The following RBPJ variants were observed in gnomAD, a reference collection of about 807,000 sequenced individuals.
RBPJ encodes recombination signal binding protein for immunoglobulin kappa J region, also known as recombining binding protein suppressor of hairless.
In RBPJ, 9 loss-of-function variants were observed where a neutral mutation model predicts 67.8. The observed-to-expected ratio is 0.13, with a 90% CI of 0.08 to 0.23. The LOEUF (loss-of-function observed/expected upper bound fraction) is 0.23, where lower values mean the gene tolerates loss of function less well. Ranked by LOEUF, RBPJ falls within the 10% of genes least tolerant of loss-of-function variation. RBPJ has a pLI of 1.00. For synonymous variants in RBPJ, 198 were observed against 203.3 expected, an observed-to-expected ratio of 0.97 and a Z score of 0.22; for missense variants, 305 against 595.6, an observed-to-expected ratio of 0.51 and a Z score of 5.08.
At chr4:26,346,946 T>G (rs567820454) in intron 1 of RBPJ, among the ~76,000 whole-genome samples, 1 of 151,830 alleles carries the variant, frequency 6.6e-6, no homozygotes, top group South Asian at 2.1e-4. Context: ...GAGCCGAGAT[T>G]GCGCCACTGC....
chr4:26,307,883 A>C (rs1722288363), intron 1 of RBPJ, among the ~76,000 whole-genome samples: 1 of 152,256 alleles, frequency 6.6e-6, no homozygotes, highest in Non-Finnish European at 1.5e-5. Flanking sequence ...GATGCTAATC[A>C]TGACAGAATT....
At position 26,250,432 on chromosome 4, in the gene RBPJ, A is replaced by G. The variant is rs530347083; in HGVS notation, c.-167+86818A>G. On this transcript the variant is annotated intron_variant, in intron 1 of 4. Coordinates refer to the RBPJ transcript ENST00000512351. ...CTGTAACCTCCTTCTCCTAGATTCA[A>G]GTGATTCTCCTGCCTCAGCCTCCCA... is the stretch of plus-strand genomic sequence containing the variant. Among the ~76,000 whole-genome samples the G allele has an allele frequency of 1.8e-4, 27 of 149,732 alleles. 1 individual carries two copies. The South Asian group carries it at 5.5e-3, about 31-fold the overall frequency.
At chr4:26,181,986 A>G (rs1300144216) in intron 1 of RBPJ, among the ~76,000 whole-genome samples, 2 of 152,220 alleles carry the variant, frequency 1.3e-5, no homozygotes, top group Non-Finnish European at 2.9e-5. Context: ...GTTTTCTTCA[A>G]TAATCAATTA....
the RBPJ span, among the ~76,000 whole-genome samples, chr4:26,155,434 C>CTTT: frequency 6.8e-5 from 9 of 131,668 alleles, no homozygotes; most frequent in Non-Finnish European, 3.2e-5. Context: ...CTCTCTCTCT[C>CTTT]TTTTTTTTTT....
intron 1 of RBPJ, among the ~76,000 whole-genome samples, chr4:26,181,306 GA>G (rs1716983159): frequency 6.6e-6 from 1 of 152,072 alleles, no homozygotes; most frequent in African/African-American, 2.4e-5. Flanking sequence ...CTAAACAAAG[GA>G]AATTTAAAAA....
chr4:26,333,597 C>A (rs780244700), intron 1 of RBPJ, among the ~76,000 whole-genome samples: 7 of 151,810 alleles, frequency 4.6e-5, no homozygotes, highest in African/African-American at 9.7e-5. Flanking sequence ...ACTCTGTTAC[C>A]CAGGCAGACT....
intron 1 of RBPJ, among the ~76,000 whole-genome samples, chr4:26,254,990 C>T (rs1720250168): frequency 7.1e-6 from 1 of 141,098 alleles, no homozygotes; most frequent in African/African-American, 2.9e-5. Context: ...GCATGAACCA[C>T]CGCACCTGGC....
Position 26,434,820 on chromosome 4 carries a change from G to A in RBPJ, c.*3813G>A, listed in dbSNP as rs1736530253. 1 of 152,174 alleles carries A rather than the reference G, an allele frequency of 6.6e-6. No individual in the cohort carries two copies. The highest frequency in any genetic ancestry group is 1.5e-5 in the Non-Finnish European group (1 of 67,996). The allele number at this position is 152,174 out of a possible 1,614,324, so 9.4% of individuals were successfully genotyped here. On this transcript the variant is annotated 3_prime_UTR_variant, in exon 11 of 11. Transcript: ENST00000355476. Reference sequence around the variant, plus strand: ...TTGAGCAAGTTTATACCATAATTTTGTAGAAAAAAAGAATCTGCTCAGTTC... The same window carrying A: ...TTGAGCAAGTTTATACCATAATTTTATAGAAAAAAAGAATCTGCTCAGTTC...
intron 1 of RBPJ, among the ~76,000 whole-genome samples, chr4:26,196,496 C>T (rs575469490): frequency 6.6e-6 from 1 of 152,100 alleles, no homozygotes; most frequent in Non-Finnish European, 1.5e-5. Flanking sequence ...TCTAAATTTA[C>T]AAAATGCTTC....
At chr4:26,199,687 T>C (rs185742923) in intron 1 of RBPJ, among the ~76,000 whole-genome samples, 7 of 152,346 alleles carry the variant, frequency 4.6e-5, no homozygotes, top group Admixed American at 3.9e-4. Flanking sequence ...ACAGCAACTC[T>C]GGCACAGATT....
chr4:26,217,298 G>A (rs1244414099), intron 1 of RBPJ, among the ~76,000 whole-genome samples: 1 of 152,180 alleles, frequency 6.6e-6, no homozygotes. Context: ...GAGGATAAAT[G>A]AAAGCTTATA....
intron 1 of RBPJ, among the ~76,000 whole-genome samples, chr4:26,234,813 C>T (rs544260650): frequency 1.4e-4 from 21 of 152,250 alleles, no homozygotes; most frequent in East Asian, 3.9e-4. Context: ...CTGCCTCAGC[C>T]TCCTAAGTAG....
At chr4:26,320,919 T>C (rs1242032627), upstream of RBPJ, 20 of 1,527,344 alleles carry the variant, frequency 1.3e-5, no homozygotes, top group South Asian at 2.6e-5. Context: ...GCGCGGGGGC[T>C]GGGTGGAATC....
chr4:26,226,571 A>G (rs927249370), intron 1 of RBPJ, among the ~76,000 whole-genome samples: 54 of 152,316 alleles, frequency 3.5e-4, no homozygotes, highest in African/African-American at 1.3e-3. Context: ...TAAAATGGGG[A>G]AATTAAGGCT....
chr4:26,398,527 A>G (rs922428302), intron 2 of RBPJ, among the ~76,000 whole-genome samples: 2 of 152,210 alleles, frequency 1.3e-5, no homozygotes, highest in Non-Finnish European at 2.9e-5. Context: ...ACACTAAGCT[A>G]TGGATTAAAT....
At chr4:26,196,917 C>T (rs140705401) in intron 1 of RBPJ, among the ~76,000 whole-genome samples, 12 of 152,200 alleles carry the variant, frequency 7.9e-5, no homozygotes, top group African/African-American at 2.6e-4. Flanking sequence ...AATGTTCAAG[C>T]GGATTTCCTT....
chr4:26,245,831 C>T (rs1719911344), intron 1 of RBPJ, among the ~76,000 whole-genome samples: 1 of 152,172 alleles, frequency 6.6e-6, no homozygotes, highest in Admixed American at 6.5e-5. Context: ...ATTCTTTCCT[C>T]CTTGAATTAT....
chr4:26,314,126 C>T (rs542270971), intron 1 of RBPJ, among the ~76,000 whole-genome samples: 21 of 152,132 alleles, frequency 1.4e-4, no homozygotes, highest in Admixed American at 3.3e-4. Context: ...GACACATATA[C>T]GCAAATAAGT....
chr4:26,224,903 G>T (rs1207747539), intron 1 of RBPJ, among the ~76,000 whole-genome samples: 30 of 152,170 alleles, frequency 2.0e-4, no homozygotes, highest in Admixed American at 2.0e-3. Context: ...ATCTGGTCTA[G>T]CTCTACTCAC....
Sources: allele counts gnomAD v4.1 joint callset (sites outside exome capture counted in the v4.1 genomes callset), GRCh38; gene constraint gnomAD v4.1.1; transcripts MANE v1.5; gene names NCBI Gene and HGNC (gene_info 2026-07-23, HGNC 2026-07-21).